Variants in KAZN observed in about 807,000 individuals in gnomAD.
The protein encoded by KAZN is kazrin, periplakin interacting protein.
KAZN carries 40 observed loss-of-function variants against 87.4 expected under a neutral mutation model. That is an observed-to-expected ratio of 0.46 (90% CI 0.36 to 0.60). KAZN has a LOEUF of 0.60. Ranked by LOEUF, KAZN falls within the 20% of genes least tolerant of loss-of-function variation. KAZN has a pLI of 0.00. For synonymous variants in KAZN, 466 were observed against 458.3 expected, an observed-to-expected ratio of 1.02 and a Z score of -0.22; for missense variants, 898 against 1,073.9, an observed-to-expected ratio of 0.84 and a Z score of 2.29.
chr1:15,058,408 G>A (rs897484113), intron 5 of KAZN, among the ~76,000 whole-genome samples: 1 of 152,260 alleles, frequency 6.6e-6, no homozygotes, highest in Non-Finnish European at 1.5e-5. Context: ...GGCAAGGACT[G>A]TCTTTTGCAG....
chr1:14,784,219 C>T (rs1215644951), intron 1 of KAZN, among the ~76,000 whole-genome samples: 1 of 152,136 alleles, frequency 6.6e-6, no homozygotes, highest in African/African-American at 2.4e-5. Flanking sequence ...TGAACCAGAC[C>T]CACCCTGATT....
intron 1 of KAZN, among the ~76,000 whole-genome samples, chr1:14,616,022 A>C (rs990813204): frequency 7.2e-5 from 11 of 152,178 alleles, no homozygotes; most frequent in Admixed American, 7.2e-4. Context: ...GAGACACTTG[A>C]AAGCTGGGGT....
chr1:14,896,672 C>T (rs922472081), intron 1 of KAZN, among the ~76,000 whole-genome samples: 1 of 151,792 alleles, frequency 6.6e-6, no homozygotes, highest in Non-Finnish European at 1.5e-5. Flanking sequence ...GACAGAAAGC[C>T]CATCTTTTCT....
rs538059443 is a variant in KAZN at position 14,631,691 on chromosome 1, C to T, written c.226+32468C>T. Among the ~76,000 whole-genome samples the T allele has an allele frequency of 3.9e-5, 6 of 152,310 alleles. No homozygotes were observed. The South Asian group carries it at 6.2e-4, about 16-fold the overall frequency. On this transcript the variant is annotated intron_variant, in intron 1 of 14. Transcript: ENST00000376030. ...ATCACACTGCATGCTGGAGAGAGGG[C>T]GGGAGCACATGAGCCTTCATCCTTC...
At chr1:14,842,480 C>T (rs1315111062) in intron 1 of KAZN, among the ~76,000 whole-genome samples, 4 of 152,220 alleles carry the variant, frequency 2.6e-5, no homozygotes, top group Non-Finnish European at 4.4e-5. Flanking sequence ...TGGGCAGGGG[C>T]ATTCTCTCCT....
Position 14,934,894 on chromosome 1 carries a change from C to T in KAZN, c.227-25790C>T, listed in dbSNP as rs139942233. ...CCTGCAGCCACCTTCACACCATGAGCGTTCCCTGCTGCCCAACAGCTTCAA... is the reference window on the plus strand; with the variant it reads ...CCTGCAGCCACCTTCACACCATGAGTGTTCCCTGCTGCCCAACAGCTTCAA... On this transcript the variant is annotated intron_variant, in intron 1 of 14. Coordinates refer to ENST00000376030, the MANE Select transcript of KAZN (RefSeq NM_201628.3). 4.7e-3 allele frequency among the ~76,000 whole-genome samples: 721 copies of T among 152,360 alleles called. 5 individuals carry two copies. Among genetic ancestry groups the T allele is most frequent in the African/African-American group, 0.015 (608 of 41,588 alleles).
intron 2 of KAZN, among the ~76,000 whole-genome samples, chr1:14,361,754 C>G (rs1473238906): frequency 3.3e-5 from 5 of 152,248 alleles, no homozygotes; most frequent in Admixed American, 6.5e-5. Flanking sequence ...AGCCAGGTAC[C>G]TCAGTTGGAA....
At chr1:14,886,048 G>A (rs1654011038) in intron 1 of KAZN, among the ~76,000 whole-genome samples, 1 of 152,020 alleles carries the variant, frequency 6.6e-6, no homozygotes, top group Non-Finnish European at 1.5e-5. Context: ...TGCAAATGTG[G>A]CAAGCCATAA....
chr1:14,144,553 T>G (rs1182267696), intron 1 of KAZN, among the ~76,000 whole-genome samples: 2 of 152,140 alleles, frequency 1.3e-5, no homozygotes, highest in Non-Finnish European at 2.9e-5. Flanking sequence ...CCTCCCAAAG[T>G]GCTGGGATTA....
intron 8 of KAZN, among the ~76,000 whole-genome samples, chr1:15,073,032 C>T (rs1639583425): frequency 6.6e-6 from 1 of 152,204 alleles, no homozygotes; most frequent in Non-Finnish European, 1.5e-5. Context: ...TCAGCAGTCC[C>T]TCAAGGGGTT....
chr1:14,653,119 G>A (rs905850350), intron 1 of KAZN, among the ~76,000 whole-genome samples: 3 of 152,178 alleles, frequency 2.0e-5, no homozygotes, highest in African/African-American at 7.2e-5. Flanking sequence ...GGTCATAGGT[G>A]TTTGTGGTCA....
intron 1 of KAZN, among the ~76,000 whole-genome samples, chr1:14,797,350 C>T (rs1305089255): frequency 6.6e-6 from 1 of 152,142 alleles, no homozygotes; most frequent in Non-Finnish European, 1.5e-5. Context: ...CATGAGCCAC[C>T]ATCCCTGGCC....
At chr1:14,401,938 A>G (rs1193962203) in intron 2 of KAZN, among the ~76,000 whole-genome samples, 1 of 152,134 alleles carries the variant, frequency 6.6e-6, no homozygotes, top group Admixed American at 6.5e-5. Flanking sequence ...GTAAAGTTCA[A>G]AAGAGGTAAG....
rs573834364 is a variant in KAZN, at chr1:14,809,331, G to A, written c.227-151353G>A. 4.6e-5 allele frequency among the ~76,000 whole-genome samples: 7 copies of A among 152,344 alleles called. No homozygotes were observed. In the South Asian group the frequency reaches 1.5e-3, roughly 32 times the overall value. On this transcript the variant is annotated intron_variant, in intron 1 of 14. Transcript: ENST00000376030. ...AGGGGCAGGCAACCATTTGTCAGGA[G>A]CCAAATGCCTAGACAGCTGTGCTTT... is the stretch of plus-strand genomic sequence containing the variant.
At chr1:14,723,951 G>T (rs140409455) in intron 1 of KAZN, among the ~76,000 whole-genome samples, 5 of 152,288 alleles carry the variant, frequency 3.3e-5, no homozygotes, top group African/African-American at 1.2e-4. Context: ...GTGGACAGAT[G>T]CCTGCAATGA....
intron 1 of KAZN, among the ~76,000 whole-genome samples, chr1:14,617,140 G>T (rs1678312991): frequency 6.6e-6 from 1 of 152,150 alleles, no homozygotes; most frequent in African/African-American, 2.4e-5. Context: ...CTTCTTGTTG[G>T]GTCCCATAAC....
At chr1:14,278,030 AG>A (rs1557611209) in intron 2 of KAZN, among the ~76,000 whole-genome samples, 1 of 151,344 alleles carries the variant, frequency 6.6e-6, no homozygotes, top group Non-Finnish European at 1.5e-5. Context: ...GGTCATGTGG[AG>A]AGGTGGCAGG....
intron 1 of KAZN, among the ~76,000 whole-genome samples, chr1:14,642,202 A>G (rs1217992313): frequency 1.3e-5 from 2 of 152,320 alleles, no homozygotes; most frequent in Middle Eastern, 3.4e-3. Context: ...GATCGAGACC[A>G]TCCTGGCTAA....
chr1:14,133,374 AAAAAAAGAAAG>A (rs1645033423), intron 1 of KAZN, among the ~76,000 whole-genome samples: 1 of 80,350 alleles, frequency 1.2e-5, no homozygotes, highest in East Asian at 8.2e-4. Flanking sequence ...TCAAAAAAAA[AAAAAAAGAAAG>A]AAAGAAAGAA....
Sources: gnomAD v4.1 joint callset for allele counts (sites outside exome capture counted in the v4.1 genomes callset) on GRCh38, gnomAD v4.1.1 for gene constraint, MANE v1.5 for transcripts, NCBI Gene and HGNC (gene_info 2026-07-23, HGNC 2026-07-21) for gene names.